Variants in POLA1 observed in about 807,000 individuals in gnomAD.
POLA1 encodes the protein DNA polymerase alpha catalytic subunit.
Under a neutral mutation model 124.0 loss-of-function variants are expected in POLA1, and 15 were observed. The ratio of observed to expected loss-of-function variants is 0.12; its 90% CI spans 0.08 to 0.19. POLA1 has a LOEUF of 0.19. Ranked by LOEUF, POLA1 falls within the 10% of genes least tolerant of loss-of-function variation. The probability of loss-of-function intolerance (pLI) is 1.00; values close to 1 mark genes in which losing one functional copy is unlikely to be tolerated. For synonymous variants in POLA1, 408 were observed against 389.4 expected (o/e 1.05, Z -0.56); for missense variants, 886 against 1,103.4 (o/e 0.80, Z 2.79).
At chrX:24,968,559 CGT>C (rs2048257295) in intron 36 of POLA1, among the ~76,000 whole-genome samples, 1 of 109,709 alleles carries the variant, frequency 9.1e-6, no homozygotes, top group African/African-American at 3.3e-5. Context: ...ATTAGCTGGG[CGT>C]GCGTGGTGGC....
Position 24,745,485 on chromosome X carries a change from T to C in POLA1, c.2634T>C (p.Phe878=). Residue 878 remains phenylalanine (F), a synonymous_variant, in exon 24 of 37, where the codon TTT becomes TTC. Transcript: ENST00000379068. ...TATATCCTTCCATCATTCAGGAATT[T>C]AACATTTGTTTTACAACAGTACAAA... ...NSLYPSIIQE[F]NICFTTVQRV... is the part of the protein sequence containing the mutation. 1 of 1,153,660 alleles carries C rather than the reference T, an allele frequency of 8.7e-7. No individual in the cohort carries two copies. Among genetic ancestry groups the C allele is most frequent in the South Asian group, 1.8e-5 (1 of 54,754 alleles).
At chrX:24,915,200 A>G (rs2047513384) in intron 35 of POLA1, among the ~76,000 whole-genome samples, 1 of 111,700 alleles carries the variant, frequency 9.0e-6, no homozygotes, top group African/African-American at 3.3e-5. Flanking sequence ...CTGAAGGGGA[A>G]CAGTATTCCA....
chrX:24,754,235 T>TTTTC (rs757155045), intron 26 of POLA1, among the ~76,000 whole-genome samples: 1 of 110,488 alleles, frequency 9.1e-6, no homozygotes, highest in African/African-American at 3.3e-5. Flanking sequence ...TTTGCAATCT[T>TTTTC]TTTCTTTCTT....
chrX:24,868,005 ACT>A (rs1160803712), intron 34 of POLA1, among the ~76,000 whole-genome samples: 3 of 111,453 alleles, frequency 2.7e-5, no homozygotes, highest in Non-Finnish European at 5.7e-5. Context: ...TCACTAATTC[ACT>A]CTATTATTTT....
intron 34 of POLA1, among the ~76,000 whole-genome samples, chrX:24,854,735 A>G (rs1455201345): frequency 9.1e-6 from 1 of 110,310 alleles, no homozygotes; most frequent in East Asian, 2.9e-4. Flanking sequence ...AGGCTGAGGC[A>G]GGAAAATCGC....
intron 36 of POLA1, among the ~76,000 whole-genome samples, chrX:24,956,854 A>G (rs980804497): frequency 1.8e-5 from 2 of 112,607 alleles, no homozygotes; most frequent in South Asian, 3.7e-4. Flanking sequence ...AAGGCCAAAA[A>G]AAGTATGAAA....
intron 1 of POLA1, among the ~76,000 whole-genome samples, chrX:24,695,781 G>A (rs1927950114): frequency 1.8e-5 from 2 of 112,013 alleles, no homozygotes; most frequent in South Asian, 7.5e-4. Context: ...CCCGGCCAGG[G>A]AAAGTTTAAT....
chrX:24,795,859 G>C (rs11573406), intron 26 of POLA1, among the ~76,000 whole-genome samples: 2,710 of 110,208 alleles, frequency 0.025, 39 homozygotes, highest in Non-Finnish European at 0.038. Context: ...TGTCTGTTGT[G>C]TCTGAACAGT....
chrX:24,774,617 A>G (rs1175855245), intron 26 of POLA1, among the ~76,000 whole-genome samples: 2 of 111,528 alleles, frequency 1.8e-5, no homozygotes, highest in Non-Finnish European at 1.9e-5. Context: ...ACACTGTTGT[A>G]TATACTATGT....
At position 24,952,367 on chromosome X, in the gene POLA1, G is replaced by C. The variant is rs192156105; in HGVS notation, c.4261+21818G>C. ...TTAGCTGCAGAATTAGTAGCACAAAGAAGGCTGGTTGCATAGTATGTACCT... is the reference window on the plus strand; with the variant it reads ...TTAGCTGCAGAATTAGTAGCACAAACAAGGCTGGTTGCATAGTATGTACCT... On this transcript the variant is annotated intron_variant, in intron 36 of 36. Transcript: ENST00000379068. Among the ~76,000 whole-genome samples the C allele has an allele frequency of 1.2e-4, 13 of 112,024 alleles. No individual in the cohort carries two copies. In the East Asian group the frequency reaches 2.0e-3, roughly 17 times the overall value.
intron 26 of POLA1, among the ~76,000 whole-genome samples, chrX:24,770,110 T>TA (rs1265094352): frequency 2.7e-5 from 3 of 111,946 alleles, no homozygotes; most frequent in Non-Finnish European, 5.6e-5. Flanking sequence ...GCTTTTTTGT[T>TA]ATTGCACTTT....
intron 26 of POLA1, among the ~76,000 whole-genome samples, chrX:24,800,845 G>T (rs1203819335): frequency 8.9e-6 from 1 of 111,991 alleles, no homozygotes; most frequent in Non-Finnish European, 1.9e-5. Flanking sequence ...CACATTCAAA[G>T]GCATAGTTTG....
At chrX:24,964,110 G>A (rs1011407538) in intron 36 of POLA1, among the ~76,000 whole-genome samples, 3 of 111,567 alleles carry the variant, frequency 2.7e-5, no homozygotes, top group African/African-American at 9.8e-5. Flanking sequence ...TCTACCCAAA[G>A]GCATTAAAAT....
intron 26 of POLA1, among the ~76,000 whole-genome samples, chrX:24,768,632 C>G (rs1004815415): frequency 4.5e-5 from 5 of 111,895 alleles, no homozygotes; most frequent in Admixed American, 9.4e-5. Flanking sequence ...TTTTATTTAC[C>G]AATCACATCG....
intron 34 of POLA1, among the ~76,000 whole-genome samples, chrX:24,844,369 G>T (rs778745602): frequency 9.2e-6 from 1 of 108,575 alleles, no homozygotes; most frequent in Admixed American, 9.9e-5. Context: ...CATTTCCCAC[G>T]TGATTTTTCT....
intron 36 of POLA1, among the ~76,000 whole-genome samples, chrX:24,943,520 A>T (rs905223355): frequency 1.2e-4 from 14 of 112,271 alleles, no homozygotes; most frequent in Non-Finnish European, 2.4e-4. Context: ...CTTACCAAAA[A>T]AAGTCGATGC....
rs1249376587 is a variant in POLA1, at chrX:24,996,245, A to G, written c.*295A>G. 4 of 220,594 alleles carry G rather than the reference A, an allele frequency of 1.8e-5. No individual in the cohort carries two copies. The highest frequency in any genetic ancestry group is 5.8e-5 in the African/African-American group (2 of 34,747). 18.2% of individuals were successfully genotyped at this position (220,594 alleles called of 1,213,427 possible). A position where few individuals can be genotyped will look rare whatever the true frequency, so the allele number is the denominator to read the frequency against. ...GAAGACCCGGTTTCTGAGGGAGGGA[A>G]ATTGCTACTTGGATTGAGAGTAGCT... On this transcript the variant is annotated 3_prime_UTR_variant, in exon 37 of 37. Transcript: ENST00000379068.
At chrX:24,790,330 C>G (rs2045467327) in intron 26 of POLA1, among the ~76,000 whole-genome samples, 1 of 112,074 alleles carries the variant, frequency 8.9e-6, no homozygotes, top group Non-Finnish European at 1.9e-5. Flanking sequence ...TAAGTCTTCT[C>G]AATGTAATAC....
intron 30 of POLA1, among the ~76,000 whole-genome samples, chrX:24,819,675 A>G (rs925898115): frequency 7.2e-5 from 8 of 111,212 alleles, no homozygotes; most frequent in Non-Finnish European, 1.3e-4. Flanking sequence ...CCTGGGATAC[A>G]TGTGCTGAAC....
Sources: gnomAD v4.1 joint callset for allele counts (sites outside exome capture counted in the v4.1 genomes callset) on GRCh38, gnomAD v4.1.1 for gene constraint, MANE v1.5 for transcripts, NCBI Gene and HGNC (gene_info 2026-07-23, HGNC 2026-07-21) for gene names.